The following EMP2 variants were observed in gnomAD, a reference collection of about 807,000 sequenced individuals.
EMP2 encodes the protein epithelial membrane protein 2.
Under a neutral mutation model 13.7 loss-of-function variants are expected in EMP2, and 19 were observed. That is an observed-to-expected ratio of 1.38 (90% confidence interval 0.97 to 2.03). The LOEUF is 2.03. Ranked by LOEUF, EMP2 falls within the 30% of genes most tolerant of loss-of-function variation. The pLI is 0.00. For synonymous variants in EMP2, 97 were observed against 84.7 expected (o/e 1.15, Z -0.80); for missense variants, 253 against 220.7 (o/e 1.15, Z -0.93).
At chr16:10,563,004 G>A (rs2050883260) in intron 1 of EMP2, among the ~76,000 whole-genome samples, 1 of 152,192 alleles carries the variant, frequency 6.6e-6, no homozygotes, top group Non-Finnish European at 1.5e-5. Context: ...ATGTCAGCAT[G>A]AGAGTGAGGT....
intron 3 of EMP2, among the ~76,000 whole-genome samples, chr16:10,538,699 G>T (rs928269704): frequency 3.3e-5 from 5 of 152,188 alleles, no homozygotes; most frequent in Non-Finnish European, 7.4e-5. Flanking sequence ...GGTGGAGGGT[G>T]TCACATGGGG....
At chr16:10,542,485 T>C (rs2050708059) in intron 3 of EMP2, among the ~76,000 whole-genome samples, 1 of 151,728 alleles carries the variant, frequency 6.6e-6, no homozygotes. Context: ...CATAAGTATG[T>C]CCCATGTTAT....
intron 1 of EMP2, among the ~76,000 whole-genome samples, chr16:10,554,134 C>T (rs979810570): frequency 5.9e-5 from 9 of 151,518 alleles, no homozygotes; most frequent in African/African-American, 1.9e-4. Context: ...CGAGTTCAAG[C>T]GATTCTCCTG....
chr16:10,546,255 G>A (rs2142181259), intron 2 of EMP2: 1 of 152,324 alleles, frequency 6.6e-6, no homozygotes, highest in South Asian at 2.1e-4. Context: ...CACTCGTATG[G>A]TGTACTTTTT....
At chr16:10,540,805 G>C (rs2050689577) in intron 3 of EMP2, among the ~76,000 whole-genome samples, 2 of 152,222 alleles carry the variant, frequency 1.3e-5, no homozygotes, top group Non-Finnish European at 2.9e-5. Context: ...TGGGAGGGAT[G>C]TGACATTCTC....
At position 10,547,569 on chromosome 16, in the gene EMP2, C is replaced by CTGCAGAGG; in HGVS notation, c.41_48dup (p.Ala17ProfsTer17). Reference sequence around the variant, plus strand: ...TCGACGGTGGCAATGAACAGCAAGGCTGCAGAGGTGATGTGGAAGGCGATG... The same window carrying CTGCAGAGG: ...TCGACGGTGGCAATGAACAGCAAGGCTGCAGAGGTGCAGAGGTGATGTGGAAGGCGATG... On this transcript the variant is annotated frameshift_variant, in exon 2 of 5. Coordinates refer to ENST00000359543, the MANE Select transcript of EMP2 (RefSeq NM_001424.6). LOFTEE classifies it high-confidence loss of function. 1 of 1,614,132 alleles carries CTGCAGAGG rather than the reference C, an allele frequency of 6.2e-7. No individual in the cohort carries two copies. The highest frequency in any genetic ancestry group is 8.5e-7 in the Non-Finnish European group (1 of 1,180,024).
Position 10,543,676 on chromosome 16 carries a change from G to C in EMP2, c.79-16C>G. On this transcript the variant is annotated splice_polypyrimidine_tract_variant and intron_variant, in intron 2 of 4. Transcript: ENST00000359543. ...CCCACCAGGCCTGTAACACAAAATG[G>C]AAATAGAGAGAAAGGCCGTCCGTTC... is the stretch of plus-strand genomic sequence containing the variant. The C allele has an allele frequency of 1.2e-6, 2 of 1,613,106 alleles. No individual in the cohort carries two copies. The highest frequency in any genetic ancestry group is 1.7e-6 in the Non-Finnish European group (2 of 1,179,102).
chr16:10,533,274 G>A (rs2050622300), intron 4 of EMP2, among the ~76,000 whole-genome samples, 182 bp from the exon 5 acceptor site: 1 of 152,188 alleles, frequency 6.6e-6, no homozygotes, highest in African/African-American at 2.4e-5. Context: ...CTGAGCTCAA[G>A]CAATCCTCCT....
chr16:10,564,734 T>C (rs965521795), intron 1 of EMP2, among the ~76,000 whole-genome samples: 1 of 151,840 alleles, frequency 6.6e-6, no homozygotes, highest in Non-Finnish European at 1.5e-5. Context: ...CAAATGGAAA[T>C]AAACCACCAG....
chr16:10,577,481 T>G (rs2050991493), intron 1 of EMP2, among the ~76,000 whole-genome samples: 3 of 152,130 alleles, frequency 2.0e-5, no homozygotes, highest in Non-Finnish European at 4.4e-5. Context: ...TGAAATTGCA[T>G]TCTTTGGCTA....
chr16:10,560,016 A>C (rs1048672139), intron 1 of EMP2, among the ~76,000 whole-genome samples: 13 of 152,332 alleles, frequency 8.5e-5, no homozygotes, highest in African/African-American at 3.1e-4. Context: ...CAGAGAGGTT[A>C]GACAACTTCC....
In EMP2 at chr16:10,532,770, T is replaced by C. The variant is rs1460611104; in HGVS notation, c.*135A>G. ...TTTTTTCTTTTTTCTTTTTTTTTTT[T>C]TTTTTTTTTTTTTTTTGGCTTTTAA... is the stretch of plus-strand genomic sequence containing the variant. On this transcript the variant is annotated 3_prime_UTR_variant, in exon 5 of 5. Coordinates refer to ENST00000359543, the MANE Select transcript of EMP2 (RefSeq NM_001424.6). 457 of 372,718 alleles carry C rather than the reference T, an allele frequency of 1.2e-3. 37 individuals are homozygous for C. The highest frequency in any genetic ancestry group is 8.5e-3 in the African/African-American group (378 of 44,448). 23.1% of individuals were successfully genotyped at this position (372,718 alleles called of 1,614,324 possible). A position where few individuals can be genotyped will look rare whatever the true frequency, so the allele number is the denominator to read the frequency against.
intron 1 of EMP2, among the ~76,000 whole-genome samples, chr16:10,579,988 C>G (rs1338059698): frequency 6.6e-6 from 1 of 152,204 alleles, no homozygotes; most frequent in Non-Finnish European, 1.5e-5. Context: ...CCAAGCCCTT[C>G]TAGAGTTGGC....
At chr16:10,575,787 C>G (rs2050980376) in intron 1 of EMP2, among the ~76,000 whole-genome samples, 1 of 152,108 alleles carries the variant, frequency 6.6e-6, no homozygotes, top group Non-Finnish European at 1.5e-5. Flanking sequence ...CCACAGACAG[C>G]TGGCAAAGGT....
At chr16:10,562,358 CTCTCTCTCTCTCTCTCTCTCTCTATCTA>C (rs1467433003) in intron 1 of EMP2, among the ~76,000 whole-genome samples, 1 of 150,144 alleles carries the variant, frequency 6.7e-6, no homozygotes, top group Non-Finnish European at 1.5e-5. Context: ...CTCTCTCTCT[CTCTCTCTCTCTCTCTCTCTCTCTATCTA>C]TCTCTCTCTC....
At chr16:10,547,419 C>A (rs1001267626) in intron 2 of EMP2, 121 bp downstream of exon 2, 2 of 1,097,214 alleles carry the variant, frequency 1.8e-6, no homozygotes, top group Non-Finnish European at 2.6e-6. Context: ...CCTCATTTTC[C>A]TTATAAATTA....
intron 4 of EMP2, among the ~76,000 whole-genome samples, chr16:10,533,719 T>C (rs546586521): frequency 3.9e-5 from 6 of 152,206 alleles, no homozygotes; most frequent in Non-Finnish European, 8.8e-5. Flanking sequence ...GGGCCATAGT[T>C]TGCCAACCTT....
intron 1 of EMP2, among the ~76,000 whole-genome samples, chr16:10,568,785 T>C (rs111278838): frequency 0.01 from 1,220 of 121,276 alleles, 13 homozygotes; most frequent in African/African-American, 0.025. Flanking sequence ...ATTTTCTTTT[T>C]TTTTTTTTTT....
chr16:10,572,090 G>A (rs1317186716), intron 1 of EMP2, among the ~76,000 whole-genome samples: 2 of 152,184 alleles, frequency 1.3e-5, no homozygotes, highest in African/African-American at 2.4e-5. Context: ...AGTCAATGAG[G>A]GAGCAGGAGA....
Sources: allele counts gnomAD v4.1 joint callset (sites outside exome capture counted in the v4.1 genomes callset), GRCh38; gene constraint gnomAD v4.1.1; transcripts MANE v1.5; gene names NCBI Gene and HGNC (gene_info 2026-07-23, HGNC 2026-07-21).